The following MDFIC variants were observed in gnomAD, a reference collection of about 807,000 sequenced individuals.
The protein encoded by MDFIC is myoD family inhibitor domain-containing protein.
MDFIC carries 17 observed loss-of-function variants against 23.2 expected under a neutral mutation model. The observed-to-expected ratio is 0.73, with a 90% confidence interval of 0.50 to 1.10. The LOEUF is 1.10. Among genes scored for constraint, MDFIC ranks in the 50% least tolerant of loss-of-function variants. The pLI is 0.00. For missense variants in MDFIC, 356 were observed against 316.6 expected, an observed-to-expected ratio of 1.12 and a Z score of -0.95; for synonymous variants, 120 against 115.2, an observed-to-expected ratio of 1.04 and a Z score of -0.27.
rs1156618318 is a variant in MDFIC at position 114,979,798 on chromosome 7, T to C, written c.493+17T>C. 5.0e-6 allele frequency: 8 copies of C among 1,608,776 alleles called. No individual in the cohort carries two copies. Among genetic ancestry groups the C allele is most frequent in the South Asian group, 1.1e-5 (1 of 90,728 alleles). On this transcript the variant is annotated intron_variant, in intron 4 of 4. Transcript: ENST00000393486. ...CACCTGAAGGTAAGTTTGAGATATA[T>C]GTAGATTTTATTTGACCAGATGTAA...
At chr7:114,981,420 C>T (rs1027215212) in intron 4 of MDFIC, among the ~76,000 whole-genome samples, 15 of 152,064 alleles carry the variant, frequency 9.9e-5, no homozygotes, top group South Asian at 6.2e-4. Flanking sequence ...AGAAAATCAC[C>T]GGTATATGAA....
At position 114,982,920 on chromosome 7, in the gene MDFIC, C is replaced by G. The variant is rs116637677; in HGVS notation, c.493+3139C>G. ...GGCGGAAAGCAGAAGCGCAAGAGAT[C>G]AAAAACTGCATGAAGCCTCTTTTGT... On this transcript the variant is annotated intron_variant, in intron 4 of 4. Coordinates refer to ENST00000393486, the MANE Select transcript of MDFIC (RefSeq NM_001166345.3). Among the ~76,000 whole-genome samples, 1,222 of 152,250 alleles carry G rather than the reference C, an allele frequency of 8.0e-3. 17 individuals carry two copies. Among genetic ancestry groups the G allele is most frequent in the African/African-American group, 0.029 (1,184 of 41,540 alleles).
chr7:114,956,418 T>G (rs1197883965), intron 3 of MDFIC, among the ~76,000 whole-genome samples: 1 of 151,892 alleles, frequency 6.6e-6, no homozygotes, highest in Non-Finnish European at 1.5e-5. Flanking sequence ...TTTGACATCT[T>G]AGAAAAAAGG....
chr7:114,994,081 T>C (rs1043875889), intron 4 of MDFIC, among the ~76,000 whole-genome samples: 11 of 152,244 alleles, frequency 7.2e-5, no homozygotes, highest in Non-Finnish European at 1.2e-4. Context: ...TCTTGTTGAA[T>C]TGATCCCTTT....
intron 4 of MDFIC, among the ~76,000 whole-genome samples, chr7:115,002,451 C>T (rs926980225): frequency 1.3e-5 from 2 of 152,224 alleles, no homozygotes; most frequent in African/African-American, 4.8e-5. Flanking sequence ...ACAAATCATT[C>T]TTGAGCACTT....
intron 2 of MDFIC, among the ~76,000 whole-genome samples, chr7:114,930,412 A>C (rs1792286307): frequency 6.6e-6 from 1 of 152,250 alleles, no homozygotes; most frequent in Non-Finnish European, 1.5e-5. Flanking sequence ...TCCAGAGACC[A>C]GAAATGCAAT....
intron 4 of MDFIC, among the ~76,000 whole-genome samples, chr7:114,983,563 CTT>C (rs11388500): frequency 3.4e-4 from 30 of 88,308 alleles, no homozygotes; most frequent in Admixed American, 1.7e-3. Context: ...TCATCAGGTA[CTT>C]TTTTTTTTTT....
intron 2 of MDFIC, among the ~76,000 whole-genome samples, chr7:114,939,944 C>A (rs775559977): frequency 3.3e-4 from 51 of 152,288 alleles, no homozygotes; most frequent in Admixed American, 1.5e-3. Context: ...TAGGACTCTG[C>A]TGATGAGCTA....
intron 3 of MDFIC, among the ~76,000 whole-genome samples, chr7:114,969,971 C>T (rs1793176639): frequency 6.6e-6 from 1 of 152,158 alleles, no homozygotes; most frequent in Admixed American, 6.6e-5. Context: ...TAAAACACCT[C>T]TGGATAGGCA....
At chr7:114,987,740 C>A (rs1420002001) in intron 4 of MDFIC, among the ~76,000 whole-genome samples, 3 of 152,096 alleles carry the variant, frequency 2.0e-5, no homozygotes, top group Non-Finnish European at 4.4e-5. Context: ...AAGTATAAAT[C>A]ATTCTGCACA....
chr7:115,015,322 G>A (rs1046590066), intron 4 of MDFIC, among the ~76,000 whole-genome samples: 1 of 152,166 alleles, frequency 6.6e-6, no homozygotes, highest in Non-Finnish European at 1.5e-5. Flanking sequence ...TAACTATAAT[G>A]CAGTTGTTTT....
intron 4 of MDFIC, among the ~76,000 whole-genome samples, chr7:114,982,644 A>C (rs1302640888): frequency 6.6e-6 from 1 of 152,178 alleles, no homozygotes; most frequent in Non-Finnish European, 1.5e-5. Flanking sequence ...ACAGTGAGCT[A>C]TGATTGTGCC....
intron 4 of MDFIC, among the ~76,000 whole-genome samples, chr7:114,998,529 C>A (rs1448660075): frequency 2.0e-5 from 3 of 152,034 alleles, no homozygotes; most frequent in African/African-American, 4.8e-5. Context: ...CATGATTTAC[C>A]TTTTGGAAAT....
At chr7:114,994,273 A>G (rs1195641144) in intron 4 of MDFIC, among the ~76,000 whole-genome samples, 1 of 152,120 alleles carries the variant, frequency 6.6e-6, no homozygotes, top group Admixed American at 6.5e-5. Context: ...TCCTGAATAC[A>G]ACACACTGTT....
chr7:114,969,723 C>A (rs1330164704), intron 3 of MDFIC, among the ~76,000 whole-genome samples: 1 of 152,116 alleles, frequency 6.6e-6, no homozygotes, highest in Non-Finnish European at 1.5e-5. Context: ...TATAAACATG[C>A]AGATGATGTC....
At chr7:114,983,585 T>TTTTTA (rs1793455145) in intron 4 of MDFIC, among the ~76,000 whole-genome samples, 1 of 148,276 alleles carries the variant, frequency 6.7e-6, no homozygotes, top group African/African-American at 2.5e-5. Context: ...TTTTTTTTTT[T>TTTTTA]GAGGTCGTGT....
At chr7:114,965,496 A>C (rs1793078067) in intron 3 of MDFIC, among the ~76,000 whole-genome samples, 1 of 152,214 alleles carries the variant, frequency 6.6e-6, no homozygotes, top group African/African-American at 2.4e-5. Context: ...AAGATAACCT[A>C]GATAAGAGAT....
At chr7:114,965,224 G>A (rs1426507907) in intron 3 of MDFIC, among the ~76,000 whole-genome samples, 4 of 152,210 alleles carry the variant, frequency 2.6e-5, no homozygotes, top group Admixed American at 6.5e-5. Context: ...GGAATCAGGA[G>A]AAATTCAGTG....
At chr7:114,965,419 T>G (rs1055211401) in intron 3 of MDFIC, among the ~76,000 whole-genome samples, 3 of 152,176 alleles carry the variant, frequency 2.0e-5, no homozygotes, top group African/African-American at 4.8e-5. Flanking sequence ...AAATGTATTT[T>G]TGGTAGTGAA....
Sources: allele counts gnomAD v4.1 joint callset (sites outside exome capture counted in the v4.1 genomes callset), GRCh38; gene constraint gnomAD v4.1.1; transcripts MANE v1.5; gene names NCBI Gene and HGNC (gene_info 2026-07-23, HGNC 2026-07-21).